The following TAFA2 variants were observed in gnomAD, a reference collection of about 807,000 sequenced individuals.
TAFA2 encodes the protein chemokine-like protein TAFA-2.
Under a neutral mutation model 18.8 loss-of-function variants are expected in TAFA2, and 7 were observed. The ratio of observed to expected loss-of-function variants is 0.37; its 90% confidence interval spans 0.21 to 0.70. The LOEUF (loss-of-function observed/expected upper bound fraction) is 0.70. Among genes scored for constraint, TAFA2 ranks in the 30% least tolerant of loss-of-function variants. The pLI is 0.53. For synonymous variants in TAFA2, 60 were observed against 54.2 expected (o/e 1.11, Z -0.47); for missense variants, 122 against 158.1 (o/e 0.77, Z 1.23).
chr12:61,938,116 T>G (rs904616046), intron 1 of TAFA2, among the ~76,000 whole-genome samples: 11 of 151,630 alleles, frequency 7.3e-5, no homozygotes, highest in African/African-American at 2.4e-4. Context: ...CACCTTACCC[T>G]GTATGAATGG....
At chr12:62,070,192 A>G (rs1375515379) in intron 1 of TAFA2, among the ~76,000 whole-genome samples, 1 of 152,190 alleles carries the variant, frequency 6.6e-6, no homozygotes, top group Non-Finnish European at 1.5e-5. Flanking sequence ...AATAATAGCA[A>G]TGGACTGCAG....
intron 1 of TAFA2, among the ~76,000 whole-genome samples, chr12:62,121,592 T>C (rs149614948): frequency 1.1e-4 from 17 of 152,326 alleles, no homozygotes; most frequent in African/African-American, 3.8e-4. Context: ...AGATATTAAA[T>C]TTGGCATCTC....
intron 1 of TAFA2, among the ~76,000 whole-genome samples, chr12:62,062,285 A>T (rs1405532969): frequency 1.3e-5 from 2 of 152,188 alleles, no homozygotes; most frequent in East Asian, 3.9e-4. Context: ...ATATTTGCTA[A>T]ATCTGTTAAC....
At chr12:61,967,559 T>G (rs1045613863) in intron 1 of TAFA2, among the ~76,000 whole-genome samples, 2 of 151,874 alleles carry the variant, frequency 1.3e-5, no homozygotes, top group Admixed American at 6.6e-5. Flanking sequence ...CAAAATGCAC[T>G]GGCAGGCTGG....
At chr12:61,949,602 T>A (rs1592507870) in intron 1 of TAFA2, among the ~76,000 whole-genome samples, 1 of 152,114 alleles carries the variant, frequency 6.6e-6, no homozygotes, top group East Asian at 1.9e-4. Flanking sequence ...AGTCACACAT[T>A]CTTTATATAC....
At chr12:62,074,140 C>A (rs1485498818) in intron 1 of TAFA2, among the ~76,000 whole-genome samples, 1 of 152,116 alleles carries the variant, frequency 6.6e-6, no homozygotes, top group African/African-American at 2.4e-5. Flanking sequence ...TTTACCCTTC[C>A]CCTTCCCAAA....
At chr12:62,103,440 T>C (rs578061577) in intron 1 of TAFA2, among the ~76,000 whole-genome samples, 1 of 152,266 alleles carries the variant, frequency 6.6e-6, no homozygotes, top group East Asian at 1.9e-4. Flanking sequence ...GAATGGCTTA[T>C]TAAAGACTAC....
At position 61,867,372 on chromosome 12, in the gene TAFA2, T is replaced by C. The variant is rs767236977; in HGVS notation, c.54A>G (p.Ile18Met). The C allele has an allele frequency of 2.5e-6, 4 of 1,609,730 alleles. No individual in the cohort carries two copies. The highest frequency in any genetic ancestry group is 4.5e-5 in the East Asian group (2 of 44,738). The change falls in exon 2 of 5, where the codon ATA becomes ATG. Residue 18 changes from isoleucine (I) to methionine (M), a missense_variant. By Grantham distance (10) the Ile-to-Met change is conservative (BLOSUM62 1). This residue lies in a region of TAFA2 where 62 missense variants were observed against 55.5 expected (regional missense o/e 1.12). Transcript: ENST00000416284. ...KATKGKLLII[I>M]FIVTLWGKVV... ...CTTTCCCCCACAAGGTTACAATAAA[T>C]ATTATTATTAGCAGTTTTCCTTTTG...
chr12:61,940,916 G>T (rs938773300), intron 1 of TAFA2, among the ~76,000 whole-genome samples: 7 of 152,122 alleles, frequency 4.6e-5, no homozygotes, highest in Non-Finnish European at 8.8e-5. Context: ...TTTAATACTA[G>T]ATTATCCAAG....
intron 1 of TAFA2, among the ~76,000 whole-genome samples, chr12:61,930,427 A>G (rs891164187): frequency 6.6e-6 from 1 of 152,230 alleles, no homozygotes; most frequent in Admixed American, 6.5e-5. Context: ...AACACTTCGT[A>G]GTTGGCTCTG....
In TAFA2 at chr12:62,013,619, C is replaced by A. The variant is rs970254569; in HGVS notation, c.-1-146193G>T. 2.6e-5 allele frequency among the ~76,000 whole-genome samples: 4 copies of A among 152,288 alleles called. No homozygotes were observed. In the East Asian group the frequency reaches 7.7e-4, roughly 29 times the overall value. The stretch of plus-strand genomic sequence containing the variant: ...CACCCTTATTACTAGTCTAATACCA[C>A]AGTGTGAGTAATGAACTGCACTGTA... On this transcript the variant is annotated intron_variant, in intron 1 of 4. Coordinates refer to ENST00000416284, the MANE Select transcript of TAFA2 (RefSeq NM_178539.5).
intron 1 of TAFA2, among the ~76,000 whole-genome samples, chr12:61,974,059 C>T (rs556152751): frequency 1.3e-5 from 2 of 151,648 alleles, no homozygotes; most frequent in South Asian, 4.2e-4. Context: ...GTAAGTAGAC[C>T]AGCTATTGTG....
intron 1 of TAFA2, among the ~76,000 whole-genome samples, chr12:61,986,158 CTTTTTTTTTTTTTTTTTT>C (rs551223452): frequency 3.0e-5 from 2 of 65,838 alleles, no homozygotes; most frequent in Non-Finnish European, 5.8e-5. Flanking sequence ...CTAAGCTCTT[CTTTTTTTTTTTTTTTTTT>C]TTTTTTTTTT....
chr12:61,769,206 C>A (rs911535868), intron 2 of TAFA2, among the ~76,000 whole-genome samples: 3 of 152,030 alleles, frequency 2.0e-5, no homozygotes, highest in Non-Finnish European at 2.9e-5. Context: ...AAAGGAGGGT[C>A]TGAGCTCAGA....
intron 4 of TAFA2, among the ~76,000 whole-genome samples, chr12:61,739,997 A>T (rs1355784182): frequency 6.6e-6 from 1 of 152,098 alleles, no homozygotes; most frequent in African/African-American, 2.4e-5. Flanking sequence ...AGCCTTTTCA[A>T]ATATAGAGTA....
intron 1 of TAFA2, among the ~76,000 whole-genome samples, chr12:61,943,620 C>A (rs1234889011): frequency 4.6e-5 from 7 of 151,356 alleles, no homozygotes; most frequent in East Asian, 3.9e-4. Flanking sequence ...TCTACCAAGC[C>A]AATGGAAAAC....
At chr12:61,956,837 T>A (rs1209728040) in intron 1 of TAFA2, among the ~76,000 whole-genome samples, 2 of 152,128 alleles carry the variant, frequency 1.3e-5, no homozygotes, top group Non-Finnish European at 1.5e-5. Context: ...CAACGTCTGA[T>A]GAACACTAAG....
chr12:61,891,645 G>C (rs556842832), intron 1 of TAFA2, among the ~76,000 whole-genome samples: 60 of 151,906 alleles, frequency 3.9e-4, no homozygotes, highest in African/African-American at 1.4e-3. Context: ...CAAAAACTCT[G>C]TCAAAAAAAG....
intron 1 of TAFA2, among the ~76,000 whole-genome samples, chr12:62,020,362 C>G (rs1881088974): frequency 6.6e-6 from 1 of 152,082 alleles, no homozygotes; most frequent in South Asian, 2.1e-4. Flanking sequence ...AAATGGCGAC[C>G]CTACACTTCC....
Sources: gnomAD v4.1 joint callset for allele counts (sites outside exome capture counted in the v4.1 genomes callset) on GRCh38, gnomAD v4.1.1 for gene constraint, gnomAD v4.1.1 regional missense constraint, MANE v1.5 for transcripts, NCBI Gene and HGNC (gene_info 2026-07-23, HGNC 2026-07-21) for gene names.